The following ANKRD30A variants were observed in gnomAD, a reference collection of about 807,000 sequenced individuals.
The protein encoded by ANKRD30A is ankyrin repeat domain 30A, also known as ankyrin repeat domain-containing protein 30A.
Under a neutral mutation model 166.3 loss-of-function variants are expected in ANKRD30A, and 170 were observed. The observed-to-expected ratio is 1.02, with a 90% CI of 0.90 to 1.16. The LOEUF (loss-of-function observed/expected upper bound fraction) is 1.16, where lower values mean the gene tolerates loss of function less well. Among genes scored for constraint, ANKRD30A ranks in the 50% most tolerant of loss-of-function variants. ANKRD30A has a pLI of 0.00. For missense variants in ANKRD30A, 1,630 were observed against 1,518.0 expected, an observed-to-expected ratio of 1.07 and a Z score of -1.23; for synonymous variants, 564 against 508.9, an observed-to-expected ratio of 1.11 and a Z score of -1.46.
intron 31 of ANKRD30A, among the ~76,000 whole-genome samples, chr10:37,209,770 T>A (rs1227394110): frequency 3.9e-5 from 6 of 152,258 alleles, no homozygotes; most frequent in South Asian, 2.1e-4. Context: ...TATGACTTAA[T>A]CTTCTTTTAT....
chr10:37,141,827 G>A lies in ANKRD30A; in HGVS notation c.930G>A (p.Val310=), dbSNP rs765013969. ...CACCTGATGAGGCTGCACCCTTGGT[G>A]GAAAGAACACCTGACACGGCTGAAA... The part of the protein sequence containing the change: ...EKTPDEAAPL[V]ERTPDTAESL... Residue 310 remains valine (V), a synonymous_variant, in exon 7 of 36, where the codon GTG becomes GTA. Transcript: ENST00000361713. 2.2e-5 allele frequency: 35 copies of A among 1,613,714 alleles called. No homozygotes were observed. In the South Asian group the frequency reaches 3.7e-4, roughly 17 times the overall value.
At chr10:37,245,773 C>T in the ANKRD30A span, among the ~76,000 whole-genome samples, 1 of 152,114 alleles carries the variant, frequency 6.6e-6, no homozygotes, top group Non-Finnish European at 1.5e-5. Context: ...AAAGAGTCTG[C>T]TTCCAAGGTC....
At chr10:37,251,926 C>G in the ANKRD30A span, among the ~76,000 whole-genome samples, 1 of 152,148 alleles carries the variant, frequency 6.6e-6, no homozygotes, top group African/African-American at 2.4e-5. Flanking sequence ...TATGCGTACT[C>G]CCATGGTTGC....
chr10:37,135,671 G>A (rs1836639210), intron 5 of ANKRD30A, among the ~76,000 whole-genome samples: 2 of 152,120 alleles, frequency 1.3e-5, no homozygotes, highest in South Asian at 2.1e-4. Context: ...GTTAGTTCAG[G>A]TTTAAGGAGG....
At position 37,130,227 on chromosome 10, in the gene ANKRD30A, C is replaced by T. The variant is rs370538634; in HGVS notation, c.359C>T (p.Ala120Val). 1.8e-5 allele frequency: 29 copies of T among 1,595,598 alleles called. No individual in the cohort carries two copies. In the African/African-American group the frequency reaches 4.0e-4, roughly 22 times the overall value. Residue 120 changes from alanine to valine, a missense_variant, in exon 3 of 36, where the codon GCT (alanine) becomes GTT (valine). Around this residue, in one of 4 missense-constraint regions of ANKRD30A, gnomAD observed 904 missense variants for 818.5 expected, o/e 1.10. Transcript: ENST00000361713. ...LMKALQCHQEACANILIDSGA... is the reference protein window; with the variant it reads ...LMKALQCHQEVCANILIDSGA... ...CAGGCTCTACAATGCCATCAGGAGGCTTGTGCAAATATTCTGATAGATTCT... is the reference window on the plus strand; with the variant it reads ...CAGGCTCTACAATGCCATCAGGAGGTTTGTGCAAATATTCTGATAGATTCT...
intron 7 of ANKRD30A, 73 bp downstream of exon 7, chr10:37,142,363 G>T (rs1362612750): frequency 6.7e-5 from 92 of 1,371,310 alleles, no homozygotes; most frequent in Non-Finnish European, 8.8e-5. Context: ...TGTGATATGG[G>T]AGTAGTTGGG....
chr10:37,221,406 C>T lies in ANKRD30A; in HGVS notation c.4185+1509C>T, dbSNP rs1388781153. ...TGAGGCTTCACTAGAGGTTACATCA[C>T]ATTATCACATTAATCTCAAAGATGA... is the stretch of plus-strand genomic sequence containing the variant. On this transcript the variant is annotated intron_variant, in intron 34 of 35. Coordinates refer to ENST00000361713, the MANE Select transcript of ANKRD30A (RefSeq NM_052997.3). Among the ~76,000 whole-genome samples the T allele has an allele frequency of 2.6e-5, 4 of 151,114 alleles. No individual in the cohort carries two copies. The East Asian group carries it at 7.8e-4, about 29-fold the overall frequency.
intron 31 of ANKRD30A, among the ~76,000 whole-genome samples, chr10:37,204,710 C>A (rs1362716554): frequency 6.6e-6 from 1 of 152,044 alleles, no homozygotes; most frequent in Non-Finnish European, 1.5e-5. Context: ...ACCCATCTGA[C>A]AAAGGGCTAA....
the ANKRD30A span, among the ~76,000 whole-genome samples, chr10:37,259,552 C>A: frequency 6.6e-6 from 1 of 152,194 alleles, no homozygotes; most frequent in African/African-American, 2.4e-5. Context: ...ATGTTCATAG[C>A]AGCATTATTT....
At chr10:37,178,345 A>G (rs1221499171) in intron 24 of ANKRD30A, 1 of 258,752 alleles carries the variant, frequency 3.9e-6, no homozygotes, top group African/African-American at 2.3e-5. Flanking sequence ...ATGTATATAA[A>G]TTGTCATATA....
chr10:37,247,743 G>A, the ANKRD30A span, among the ~76,000 whole-genome samples: 5 of 151,338 alleles, frequency 3.3e-5, no homozygotes, highest in East Asian at 1.9e-4. Context: ...TTAGCCGGGC[G>A]TGGTGGCGGG....
chr10:37,198,175 A>T (rs1841309004), intron 29 of ANKRD30A, among the ~76,000 whole-genome samples: 1 of 152,016 alleles, frequency 6.6e-6, no homozygotes, highest in African/African-American at 2.4e-5. Context: ...GTTTTTTAAA[A>T]CTATTCTTAT....
chr10:37,257,254 T>A, the ANKRD30A span, among the ~76,000 whole-genome samples: 1 of 152,094 alleles, frequency 6.6e-6, no homozygotes, highest in South Asian at 2.1e-4. Flanking sequence ...CCTTTATCAT[T>A]TTTTATTGCA....
At chr10:37,126,060 A>C in intron 1 of ANKRD30A, 52 bp downstream of exon 1, 30 of 960,928 alleles carry the variant, frequency 3.1e-5, no homozygotes, top group Non-Finnish European at 4.4e-5. Flanking sequence ...GGGCGGTGGG[A>C]GGATCGCCCC....
rs1564589542 is a variant in ANKRD30A at position 37,220,015 on chromosome 10, AT to A, written c.4185+119del. 2.3e-4 allele frequency: 39 copies of A among 172,160 alleles called. No individual in the cohort carries two copies. In the South Asian group the frequency reaches 4.0e-3, roughly 18 times the overall value. 10.7% of individuals were successfully genotyped at this position (172,160 alleles called of 1,614,324 possible). A position where few individuals can be genotyped will look rare whatever the true frequency, so the allele number is the denominator to read the frequency against. On this transcript the variant is annotated intron_variant, in intron 34 of 35. Coordinates refer to ENST00000361713, the MANE Select transcript of ANKRD30A (RefSeq NM_052997.3). ...TATATATATATATATATATATATAT[AT>A]ATATATATATATAATATATGTATGT...
chr10:37,157,744 A>T (rs992886361), intron 13 of ANKRD30A, among the ~76,000 whole-genome samples: 12 of 152,122 alleles, frequency 7.9e-5, no homozygotes, highest in Non-Finnish European at 1.6e-4. Context: ...AGAGGACTAA[A>T]CTAGAGAACC....
intron 25 of ANKRD30A, among the ~76,000 whole-genome samples, chr10:37,191,944 G>A (rs556411756): frequency 1.3e-5 from 2 of 152,148 alleles, no homozygotes; most frequent in South Asian, 2.1e-4. Context: ...GTGGTGAGCC[G>A]ATATTACATT....
chr10:37,261,336 A>G, the ANKRD30A span, among the ~76,000 whole-genome samples: 1 of 152,216 alleles, frequency 6.6e-6, no homozygotes, highest in Non-Finnish European at 1.5e-5. Flanking sequence ...CAACTGATAG[A>G]TTCCAGAAAC....
At chr10:37,198,385 T>G (rs1398647483) in intron 29 of ANKRD30A, among the ~76,000 whole-genome samples, 3 of 152,126 alleles carry the variant, frequency 2.0e-5, no homozygotes, top group African/African-American at 7.2e-5. Context: ...AAATTCCATT[T>G]TATGACAGTA....
Sources: allele counts gnomAD v4.1 joint callset (sites outside exome capture counted in the v4.1 genomes callset), GRCh38; gene constraint gnomAD v4.1.1; regional missense constraint gnomAD v4.1.1; transcripts MANE v1.5; gene names NCBI Gene and HGNC (gene_info 2026-07-23, HGNC 2026-07-21).